Variants in EDIL3 observed in about 807,000 individuals in gnomAD.
EDIL3 encodes EGF-like repeat and discoidin I-like domain-containing protein 3.
EDIL3 carries 37 observed loss-of-function variants against 67.4 expected under a neutral mutation model. The ratio of observed to expected loss-of-function variants is 0.55; its 90% confidence interval spans 0.42 to 0.72. EDIL3 has a LOEUF of 0.72. Ranked by LOEUF, EDIL3 falls within the 30% of genes least tolerant of loss-of-function variation. EDIL3 has a pLI of 0.00. For synonymous variants in EDIL3, 195 were observed against 196.3 expected (o/e 0.99, Z 0.05); for missense variants, 527 against 586.3 (o/e 0.90, Z 1.04).
intron 1 of EDIL3, among the ~76,000 whole-genome samples, chr5:84,336,530 G>A (rs1224732399): frequency 6.6e-6 from 1 of 152,080 alleles, no homozygotes; most frequent in Non-Finnish European, 1.5e-5. Context: ...ACGGGATTCT[G>A]GACCAAGACA....
At chr5:84,372,818 C>G (rs1747882968) in intron 1 of EDIL3, among the ~76,000 whole-genome samples, 2 of 152,080 alleles carry the variant, frequency 1.3e-5, no homozygotes. Context: ...ATTATATGTA[C>G]TTAAAAGCAT....
intron 6 of EDIL3, among the ~76,000 whole-genome samples, chr5:84,080,623 A>T (rs1191527928): frequency 2.1e-5 from 3 of 145,942 alleles, no homozygotes; most frequent in Non-Finnish European, 4.5e-5. Flanking sequence ...GGAAAAGAAA[A>T]GGTTTTTTTC....
chr5:84,332,781 C>CTGGAACTCTATT (rs1746901282), intron 1 of EDIL3, among the ~76,000 whole-genome samples: 1 of 152,014 alleles, frequency 6.6e-6, no homozygotes. Flanking sequence ...AACAATATGG[C>CTGGAACTCTATT]TGATCACAAA....
At chr5:83,987,618 A>T (rs1276333202) in intron 9 of EDIL3, among the ~76,000 whole-genome samples, 1 of 152,074 alleles carries the variant, frequency 6.6e-6, no homozygotes, top group East Asian at 1.9e-4. Flanking sequence ...TGCGGCTTAT[A>T]TTTCAAACAG....
intron 3 of EDIL3, among the ~76,000 whole-genome samples, chr5:84,198,459 T>C (rs1159549426): frequency 2.6e-5 from 4 of 152,098 alleles, no homozygotes; most frequent in African/African-American, 4.8e-5. Flanking sequence ...TATGCCTATA[T>C]ACATTATCTT....
At chr5:84,059,007 T>C (rs1580304829) in intron 9 of EDIL3, among the ~76,000 whole-genome samples, 2 of 152,140 alleles carry the variant, frequency 1.3e-5, no homozygotes, top group East Asian at 3.9e-4. Context: ...GAGAGCTGAA[T>C]AAAGCTCTAG....
chr5:83,999,003 T>G (rs765016701), intron 9 of EDIL3, among the ~76,000 whole-genome samples: 3 of 152,072 alleles, frequency 2.0e-5, no homozygotes, highest in Non-Finnish European at 4.4e-5. Flanking sequence ...ATCCATAGAA[T>G]TCTCCTGGAT....
At chr5:84,080,264 A>T (rs1746940016) in intron 6 of EDIL3, among the ~76,000 whole-genome samples, 1 of 125,850 alleles carries the variant, frequency 7.9e-6, no homozygotes, top group Admixed American at 9.9e-5. Flanking sequence ...CTGCCACTAC[A>T]CTCCAGCCTG....
At chr5:84,139,337 AGGAG>A (rs1748149536) in intron 4 of EDIL3, among the ~76,000 whole-genome samples, 1 of 140,116 alleles carries the variant, frequency 7.1e-6, no homozygotes, top group Non-Finnish European at 1.5e-5. Context: ...GAGGGAGGGA[AGGAG>A]GGAGGGAGGG....
intron 1 of EDIL3, among the ~76,000 whole-genome samples, chr5:84,325,892 T>TAG: frequency 6.6e-6 from 1 of 152,190 alleles, no homozygotes; most frequent in East Asian, 1.9e-4. Flanking sequence ...TCATAAAAAA[T>TAG]AGGTTACTGT....
chr5:83,970,256 T>TTATATATATATATATATATA lies in EDIL3; in HGVS notation c.1138-6916_1138-6897dup, dbSNP rs60143474. Among the ~76,000 whole-genome samples, 378 of 128,372 alleles carry TTATATATATATATATATATA rather than the reference T, an allele frequency of 2.9e-3. 2 individuals carry two copies. The highest frequency in any genetic ancestry group is 4.8e-3 in the African/African-American group (146 of 30,668). 84.2% of individuals were successfully genotyped at this position (128,372 alleles called of 152,430 possible). A position where few individuals can be genotyped will look rare whatever the true frequency, so the allele number is the denominator to read the frequency against. On this transcript the variant is annotated intron_variant, in intron 9 of 10. Transcript: ENST00000296591. Reference sequence around the variant, plus strand: ...TTTCTTAATTGTTCAGTGTCACTAATTATATATATATATATATATATATAT... The same window carrying TTATATATATATATATATATA: ...TTTCTTAATTGTTCAGTGTCACTAATTATATATATATATATATATATATATATATATATATATATATATAT...
intron 9 of EDIL3, among the ~76,000 whole-genome samples, chr5:83,967,753 A>T (rs1196771650): frequency 6.6e-6 from 1 of 152,110 alleles, no homozygotes; most frequent in Non-Finnish European, 1.5e-5. Context: ...GGCAGACTGG[A>T]AAATTAAGTT....
At chr5:84,158,557 C>G (rs1748535446) in intron 4 of EDIL3, among the ~76,000 whole-genome samples, 1 of 152,008 alleles carries the variant, frequency 6.6e-6, no homozygotes, top group Admixed American at 6.6e-5. Context: ...GTGCTTCCAG[C>G]ATATACAAGA....
chr5:83,948,035 A>T (rs945141189), intron 10 of EDIL3, among the ~76,000 whole-genome samples: 2 of 151,892 alleles, frequency 1.3e-5, no homozygotes, highest in East Asian at 3.9e-4. Context: ...AATAACTCAA[A>T]AGATAGAGTG....
chr5:84,286,615 CT>C (rs1464638335), intron 1 of EDIL3, among the ~76,000 whole-genome samples: 27 of 152,038 alleles, frequency 1.8e-4, no homozygotes, highest in African/African-American at 6.5e-4. Flanking sequence ...TAGTTGGAGT[CT>C]TTATATAAGG....
intron 5 of EDIL3, among the ~76,000 whole-genome samples, chr5:84,125,315 T>C (rs1258617855): frequency 1.3e-5 from 2 of 152,100 alleles, no homozygotes; most frequent in Admixed American, 1.3e-4. Flanking sequence ...ATTTTGATGT[T>C]TGTCTCATCA....
intron 4 of EDIL3, among the ~76,000 whole-genome samples, chr5:84,179,989 G>C (rs577927654): frequency 2.1e-5 from 3 of 145,056 alleles, no homozygotes; most frequent in Non-Finnish European, 4.5e-5. Flanking sequence ...TTAAGGGCAG[G>C]GTGGCAGTTT....
rs1266096369 is a variant in EDIL3 at position 84,060,430 on chromosome 5, G to A, written c.1007C>T (p.Thr336Ile). 6.2e-7 allele frequency: 1 copy of A among 1,613,676 alleles called. No homozygotes were observed. The highest frequency in any genetic ancestry group is 8.5e-7 in the Non-Finnish European group (1 of 1,179,838). The change falls in exon 9 of 11, where the codon ACT becomes ATT. Residue 336 changes from threonine to isoleucine, a missense_variant. By Grantham distance (89) the Thr-to-Ile change is moderately conservative. This residue lies in a region of EDIL3 where 494 missense variants were observed against 522.5 expected (regional missense o/e 0.95). Transcript: ENST00000296591. The part of the protein sequence containing the change: ...KSGHIQDYQI[T>I]ASSIFRTLNM... ...GAGCGTTCTGAAGATGCTGGAGGCA[G>A]TGATCTGATAGTCTTGTATATGTCC...
At chr5:83,945,861 A>G (rs1580246072) in intron 10 of EDIL3, among the ~76,000 whole-genome samples, 1 of 152,134 alleles carries the variant, frequency 6.6e-6, no homozygotes, top group Non-Finnish European at 1.5e-5. Context: ...CAGAATTTAC[A>G]GCCTCAAAGT....
Sources: gnomAD v4.1 joint callset for allele counts (sites outside exome capture counted in the v4.1 genomes callset) on GRCh38, gnomAD v4.1.1 for gene constraint, gnomAD v4.1.1 regional missense constraint, MANE v1.5 for transcripts, NCBI Gene and HGNC (gene_info 2026-07-23, HGNC 2026-07-21) for gene names.